The following TMEM131 variants were observed in gnomAD, a reference collection of about 807,000 sequenced individuals.
TMEM131 encodes transmembrane protein 131, also known as 2610524E03Rik.
Under a neutral mutation model 211.6 loss-of-function variants are expected in TMEM131, and 66 were observed. That is an observed-to-expected ratio of 0.31 (90% CI 0.26 to 0.38). TMEM131 has a LOEUF of 0.38. Among genes scored for constraint, TMEM131 ranks in the 10% least tolerant of loss-of-function variants. TMEM131 has a pLI of 1.00. For missense variants in TMEM131, 2,036 were observed against 2,299.3 expected (o/e 0.89, Z 2.34); for synonymous variants, 844 against 841.3 (o/e 1.00, Z -0.06).
chr2:97,903,891 A>C (rs546641396), intron 3 of TMEM131, among the ~76,000 whole-genome samples: 1 of 152,148 alleles, frequency 6.6e-6, no homozygotes, highest in Non-Finnish European at 1.5e-5. Context: ...TCGAACTCCT[A>C]AACTCAGGCA....
intron 28 of TMEM131, among the ~76,000 whole-genome samples, chr2:97,795,365 C>T (rs1229512222): frequency 1.3e-5 from 2 of 152,110 alleles, no homozygotes; most frequent in Non-Finnish European, 2.9e-5. Context: ...ATTATTAATT[C>T]AGAAAATGGT....
intron 40 of TMEM131, among the ~76,000 whole-genome samples, chr2:97,757,960 G>A (rs1317141229): frequency 1.3e-5 from 2 of 152,162 alleles, no homozygotes; most frequent in East Asian, 1.9e-4. Flanking sequence ...GTGAAACCCC[G>A]TCTCTACTAA....
intron 32 of TMEM131, 49 bp downstream of exon 32, chr2:97,775,794 G>C (rs896053560): frequency 1.9e-6 from 3 of 1,569,548 alleles, no homozygotes; most frequent in African/African-American, 2.7e-5. Flanking sequence ...TGAGCTGCAG[G>C]AGACCTCTCT....
chr2:97,818,676 T>C lies in TMEM131; in HGVS notation c.1120A>G (p.Lys374Glu). The stretch of plus-strand genomic sequence containing the variant: ...TCTGATGCTTTTAATGTAATTGGTT[T>C]AAAGTGTACCGTTATAGCATCATTT... ...PQNDAITVHF[K>E]PITLKASESK... The change falls in exon 12 of 41, where the codon AAA becomes GAA. Residue 374 changes from lysine to glutamate, a missense_variant. Physicochemically the swap from Lys to Glu is moderately conservative, Grantham distance 56. Coordinates refer to ENST00000186436, the MANE Select transcript of TMEM131 (RefSeq NM_015348.2). 6.2e-7 allele frequency: 1 copy of C among 1,608,662 alleles called. No individual in the cohort carries two copies. Among genetic ancestry groups the C allele is most frequent in the Non-Finnish European group, 8.5e-7 (1 of 1,176,878 alleles).
intron 31 of TMEM131, among the ~76,000 whole-genome samples, chr2:97,782,967 TAA>T (rs559411882): frequency 3.8e-5 from 5 of 130,756 alleles, no homozygotes; most frequent in Admixed American, 7.7e-5. Context: ...TATATAGACT[TAA>T]AAAAAAAAAA....
At chr2:97,820,717 C>T (rs1368127563) in intron 11 of TMEM131, among the ~76,000 whole-genome samples, 3 of 151,984 alleles carry the variant, frequency 2.0e-5, no homozygotes, top group Non-Finnish European at 2.9e-5. Context: ...ATTAGCCAGG[C>T]GTGGTGGTGG....
chr2:97,775,274 C>A (rs1452691977), intron 32 of TMEM131, among the ~76,000 whole-genome samples: 1 of 152,146 alleles, frequency 6.6e-6, no homozygotes, highest in Non-Finnish European at 1.5e-5. Flanking sequence ...GGCGAGGCAG[C>A]TTCTTGGCGT....
intron 32 of TMEM131, among the ~76,000 whole-genome samples, chr2:97,774,072 T>C (rs767261520): frequency 6.6e-6 from 1 of 152,242 alleles, no homozygotes; most frequent in African/African-American, 2.4e-5. Flanking sequence ...TGGATTTTAA[T>C]AGGTCACACC....
chr2:97,933,281 T>C (rs554928794), intron 1 of TMEM131, among the ~76,000 whole-genome samples: 161 of 152,312 alleles, frequency 1.1e-3, no homozygotes, highest in Middle Eastern at 3.4e-3. Flanking sequence ...AATGAAATAT[T>C]ATTCAGCCAC....
chr2:97,821,190 T>G (rs564442937), intron 11 of TMEM131, among the ~76,000 whole-genome samples: 1 of 152,308 alleles, frequency 6.6e-6, no homozygotes, highest in African/African-American at 2.4e-5. Context: ...CAGTGCTCTG[T>G]GTCTAGCTAA....
At chr2:97,965,860 C>T (rs1293068358) in intron 1 of TMEM131, among the ~76,000 whole-genome samples, 2 of 151,622 alleles carry the variant, frequency 1.3e-5, no homozygotes, top group Non-Finnish European at 2.9e-5. Flanking sequence ...TTAAATGTAA[C>T]CCTGAAATTC....
chr2:97,982,212 G>A (rs1485436679), intron 1 of TMEM131, among the ~76,000 whole-genome samples: 1 of 152,134 alleles, frequency 6.6e-6, no homozygotes, highest in Admixed American at 6.5e-5. Flanking sequence ...TTTGATCGTA[G>A]CCATATTGGT....
intron 5 of TMEM131, among the ~76,000 whole-genome samples, chr2:97,850,385 T>G (rs1573457555): frequency 6.6e-6 from 1 of 152,076 alleles, no homozygotes. Flanking sequence ...GCGCTATATA[T>G]CAGTACTCAT....
At chr2:97,757,995 G>A (rs1456668103) in intron 40 of TMEM131, among the ~76,000 whole-genome samples, 1 of 152,152 alleles carries the variant, frequency 6.6e-6, no homozygotes, top group South Asian at 2.1e-4. Flanking sequence ...AGCCGGGTGT[G>A]GTGGTGGGCG....
intron 1 of TMEM131, among the ~76,000 whole-genome samples, chr2:97,956,332 G>A (rs888767443): frequency 6.6e-6 from 1 of 152,078 alleles, no homozygotes; most frequent in Non-Finnish European, 1.5e-5. Context: ...TTTGTATCTC[G>A]GAACCAACTT....
At chr2:97,793,036 T>C (rs932010377) in intron 30 of TMEM131, 52 bp from the exon 31 acceptor site, 34 of 1,325,278 alleles carry the variant, frequency 2.6e-5, no homozygotes, top group African/African-American at 1.5e-4. Context: ...CAAAATCTAA[T>C]ATTAAAAAAA....
intron 25 of TMEM131, among the ~76,000 whole-genome samples, chr2:97,800,755 A>G (rs1441697220): frequency 6.6e-6 from 1 of 151,976 alleles, no homozygotes; most frequent in Admixed American, 6.6e-5. Flanking sequence ...AGACTGTCTC[A>G]GAAGAAAAAA....
chr2:97,842,950 T>C (rs1400980722), intron 6 of TMEM131, among the ~76,000 whole-genome samples: 1 of 151,968 alleles, frequency 6.6e-6, no homozygotes, highest in African/African-American at 2.4e-5. Flanking sequence ...CCGCTAAAGA[T>C]TTACTCACCA....
intron 40 of TMEM131, 54 bp from the exon 41 acceptor site, chr2:97,757,437 TGGGTAAGG>T (rs1678556052): frequency 1.3e-6 from 2 of 1,525,756 alleles, no homozygotes; most frequent in African/African-American, 1.4e-5. Flanking sequence ...GAGGGTCAAG[TGGGTAAGG>T]GGGTAAGGCT....
Sources: gnomAD v4.1 joint callset for allele counts (sites outside exome capture counted in the v4.1 genomes callset) on GRCh38, gnomAD v4.1.1 for gene constraint, MANE v1.5 for transcripts, NCBI Gene and HGNC (gene_info 2026-07-23, HGNC 2026-07-21) for gene names.